Variants in CREB5 observed in about 807,000 individuals in gnomAD.
CREB5 encodes cAMP responsive element binding protein 5.
In CREB5, 19 loss-of-function variants were observed where a neutral mutation model predicts 57.1. That is an observed-to-expected ratio of 0.33 (90% CI 0.23 to 0.49). The LOEUF (loss-of-function observed/expected upper bound fraction) is 0.49, where lower values mean the gene tolerates loss of function less well. Ranked by LOEUF, CREB5 falls within the 20% of genes least tolerant of loss-of-function variation. The pLI, the probability that CREB5 is intolerant of heterozygous loss-of-function variation, is 0.99. For synonymous variants in CREB5, 238 were observed against 238.3 expected (o/e 1.00, Z 0.01); for missense variants, 579 against 671.6 (o/e 0.86, Z 1.52).
At chr7:28,710,168 C>T (rs1279564246) in intron 5 of CREB5, among the ~76,000 whole-genome samples, 1 of 152,058 alleles carries the variant, frequency 6.6e-6, no homozygotes, top group East Asian at 1.9e-4. Flanking sequence ...TACACATTAC[C>T]TTTTATGCTT....
At chr7:28,722,377 G>C (rs1803080732) in intron 6 of CREB5, among the ~76,000 whole-genome samples, 1 of 152,106 alleles carries the variant, frequency 6.6e-6, no homozygotes, top group African/African-American at 2.4e-5. Context: ...TCACCAGTCG[G>C]AATAAGGGGT....
chr7:28,514,975 A>AT (rs11392816), intron 4 of CREB5, among the ~76,000 whole-genome samples: 143,789 of 152,234 alleles, frequency 0.94, 67,955 homozygotes, highest in African/African-American at 0.98. Context: ...GGGAAAGACT[A>AT]TTGTGTTGGA....
chr7:28,609,924 CT>C (rs1797320301), intron 5 of CREB5, among the ~76,000 whole-genome samples: 1 of 152,200 alleles, frequency 6.6e-6, no homozygotes, highest in Non-Finnish European at 1.5e-5. Context: ...GTGAGGAGGA[CT>C]TTGAGGGGCC....
intron 9 of CREB5, among the ~76,000 whole-genome samples, chr7:28,817,105 A>G (rs1809484109): frequency 1.3e-5 from 2 of 152,216 alleles, no homozygotes; most frequent in Admixed American, 6.6e-5. Context: ...GTAAATAAGA[A>G]GAAAACCCCA....
intron 5 of CREB5, among the ~76,000 whole-genome samples, chr7:28,659,897 A>G (rs1799530148): frequency 6.6e-6 from 1 of 152,138 alleles, no homozygotes; most frequent in South Asian, 2.1e-4. Context: ...TGGATCAGAC[A>G]TTTTGAGGAT....
At chr7:28,694,631 A>G (rs1199357027) in intron 5 of CREB5, among the ~76,000 whole-genome samples, 29 of 152,020 alleles carry the variant, frequency 1.9e-4, no homozygotes, top group Non-Finnish European at 2.9e-5. Context: ...GCAGCCTCGA[A>G]CTCTTGGGGT....
chr7:28,501,830 T>C (rs967670886), intron 3 of CREB5, among the ~76,000 whole-genome samples: 3 of 152,216 alleles, frequency 2.0e-5, no homozygotes, highest in Non-Finnish European at 4.4e-5. Flanking sequence ...AATTGGTTAC[T>C]TTAAAACTAT....
intron 1 of CREB5, among the ~76,000 whole-genome samples, chr7:28,487,263 A>G (rs1338164515): frequency 6.6e-6 from 1 of 152,108 alleles, no homozygotes; most frequent in East Asian, 1.9e-4. Flanking sequence ...TGCCGATTAC[A>G]TTAGTGATCC....
intron 7 of CREB5, among the ~76,000 whole-genome samples, chr7:28,746,353 C>A (rs10486593): frequency 0.092 from 13,941 of 152,220 alleles, 888 homozygotes; most frequent in Non-Finnish European, 0.14. Context: ...AGGCTCGTTT[C>A]AATACCACAA....
At chr7:28,713,915 A>G (rs1562590676) in intron 5 of CREB5, among the ~76,000 whole-genome samples, 2 of 150,858 alleles carry the variant, frequency 1.3e-5, no homozygotes, top group Non-Finnish European at 3.0e-5. Flanking sequence ...TATTTTTTCA[A>G]TTTTTTTTCA....
In CREB5 at chr7:28,560,911, T is replaced by TGCGC. The variant is rs1174704522; in HGVS notation, c.292-9453_292-9452insCGCG. On this transcript the variant is annotated intron_variant, in intron 4 of 10. Coordinates refer to ENST00000357727, the MANE Select transcript of CREB5 (RefSeq NM_182898.4). ...GCGTGTGTGTGCGTGCGCGCGTGCGTGTGCGTGTGTGCGCGTGCGTGTGTG... is the reference window on the plus strand; with the variant it reads ...GCGTGTGTGTGCGTGCGCGCGTGCGTGCGCGTGCGTGTGTGCGCGTGCGTGTGTG... Among the ~76,000 whole-genome samples the TGCGC allele has an allele frequency of 8.6e-4, 31 of 36,062 alleles. 2 individuals are homozygous for TGCGC. The highest frequency in any genetic ancestry group is 4.6e-3 in the East Asian group (7 of 1,518). The allele number at this position is 36,062 out of a possible 152,430, so 23.7% of individuals were successfully genotyped here.
intron 7 of CREB5, among the ~76,000 whole-genome samples, chr7:28,739,642 G>A (rs1009072825): frequency 2.0e-5 from 3 of 152,130 alleles, no homozygotes; most frequent in African/African-American, 2.4e-5. Flanking sequence ...AAGCATATTC[G>A]AGTTTAGAGG....
At chr7:28,604,830 C>T (rs1797049888) in intron 5 of CREB5, among the ~76,000 whole-genome samples, 1 of 151,972 alleles carries the variant, frequency 6.6e-6, no homozygotes, top group Non-Finnish European at 1.5e-5. Context: ...AAACATTACT[C>T]TTAAATAAAG....
In CREB5 at chr7:28,802,007, C is replaced by G. The variant is rs868449040; in HGVS notation, c.703-2192C>G. On this transcript the variant is annotated intron_variant, in intron 7 of 10. Coordinates refer to ENST00000357727, the MANE Select transcript of CREB5 (RefSeq NM_182898.4). ...GGCTGAGGCAGGAGAATCGCTTGAA[C>G]CCGGGAGGCAGAGGTTGCAGTGAGA... Among the ~76,000 whole-genome samples the G allele has an allele frequency of 2.8e-5, 4 of 141,024 alleles. No individual in the cohort carries two copies. The South Asian group carries it at 9.2e-4, about 32-fold the overall frequency. The allele number at this position is 141,024 out of a possible 152,430, so 92.5% of individuals were successfully genotyped here. A position where few individuals can be genotyped will look rare whatever the true frequency, so the allele number is the denominator to read the frequency against.
intron 7 of CREB5, among the ~76,000 whole-genome samples, chr7:28,728,569 T>A (rs1803454654): frequency 6.6e-6 from 1 of 152,228 alleles, no homozygotes; most frequent in Non-Finnish European, 1.5e-5. Flanking sequence ...CTCTGTAGCC[T>A]CACTAACTGG....
At chr7:28,691,680 C>T (rs576914940) in intron 5 of CREB5, among the ~76,000 whole-genome samples, 3 of 151,938 alleles carry the variant, frequency 2.0e-5, no homozygotes, top group Middle Eastern at 3.4e-3. Context: ...CTGGGATCCC[C>T]GAATCTAAGC....
At chr7:28,733,736 G>T (rs1277778003) in intron 7 of CREB5, among the ~76,000 whole-genome samples, 1 of 152,130 alleles carries the variant, frequency 6.6e-6, no homozygotes, top group African/African-American at 2.4e-5. Context: ...GTTTGATTCA[G>T]CTCCGTGTCC....
chr7:28,454,645 T>C (rs1790010335), intron 1 of CREB5, among the ~76,000 whole-genome samples: 1 of 152,344 alleles, frequency 6.6e-6, no homozygotes, highest in East Asian at 1.9e-4. Flanking sequence ...ATTTCCATGA[T>C]GCTTGGTTGT....
At chr7:28,613,320 G>A (rs1797469231) in intron 5 of CREB5, among the ~76,000 whole-genome samples, 1 of 152,228 alleles carries the variant, frequency 6.6e-6, no homozygotes, top group African/African-American at 2.4e-5. Flanking sequence ...GGCACTTGCT[G>A]AGGCAGGGCC....
Sources: allele counts gnomAD v4.1 joint callset (sites outside exome capture counted in the v4.1 genomes callset), GRCh38; gene constraint gnomAD v4.1.1; transcripts MANE v1.5; gene names NCBI Gene and HGNC (gene_info 2026-07-23, HGNC 2026-07-21).